The following AIMP1 variants were observed in gnomAD, a reference collection of about 807,000 sequenced individuals.
The protein encoded by AIMP1 is aminoacyl tRNA synthase complex-interacting multifunctional protein 1.
Under a neutral mutation model 33.1 loss-of-function variants are expected in AIMP1, and 24 were observed. That is an observed-to-expected ratio of 0.73 (90% CI 0.53 to 1.02). The LOEUF (loss-of-function observed/expected upper bound fraction) is 1.02, where lower values mean the gene tolerates loss of function less well. Ranked by LOEUF, AIMP1 falls within the 50% of genes least tolerant of loss-of-function variation. The pLI is 0.00. For synonymous variants in AIMP1, 120 were observed against 121.5 expected (o/e 0.99, Z 0.08); for missense variants, 367 against 364.8 (o/e 1.01, Z -0.05).
chr4:106,317,945 A>G (rs1769034043), intron 1 of AIMP1, among the ~76,000 whole-genome samples: 1 of 152,188 alleles, frequency 6.6e-6, no homozygotes, highest in South Asian at 2.1e-4. Context: ...AGGCCAAGGC[A>G]TACTCCTTTT....
In AIMP1 at chr4:106,327,564, G is replaced by A. The variant is rs569235371; in HGVS notation, c.223G>A (p.Val75Met). Residue 75 changes from valine to methionine, a missense_variant and splice_region_variant, in exon 3 of 7, where the codon GTG (valine) becomes ATG (methionine). Val to Met is a conservative substitution (Grantham distance 21, BLOSUM62 1). Coordinates refer to ENST00000672341, the MANE Select transcript of AIMP1 (RefSeq NM_001142416.2). ...AATTCAGGCAGAAATTCAAAATGGA[G>A]GTAATTAAATATAGAAAATTTGAGT... is the stretch of plus-strand genomic sequence containing the variant. ...ELIQAEIQNG[V>M]KQIPFPSGTP... is the part of the protein sequence containing the mutation. 6.2e-6 allele frequency: 10 copies of A among 1,604,092 alleles called. No individual in the cohort carries two copies. Among genetic ancestry groups the A allele is most frequent in the Admixed American group, 5.0e-5 (3 of 59,852 alleles).
At chr4:106,321,752 G>T (rs1769261279) in intron 1 of AIMP1, among the ~76,000 whole-genome samples, 1 of 152,236 alleles carries the variant, frequency 6.6e-6, no homozygotes, top group African/African-American at 2.4e-5. Flanking sequence ...TTGTCGAATA[G>T]AAAAGGGGGA....
At chr4:106,346,776 A>G (rs902328048) in intron 6 of AIMP1, among the ~76,000 whole-genome samples, 11 of 152,134 alleles carry the variant, frequency 7.2e-5, no homozygotes, top group African/African-American at 2.7e-4. Flanking sequence ...ATCGAAATAT[A>G]TTTTCATTTC....
rs1195875065 is a variant in AIMP1 at position 106,328,264 on chromosome 4, T to C, written c.391+21T>C. ...GAAAGGTATTTTTGACCTTTAAGCA[T>C]ATTTAGCTCTTGACTGGATTATCAG... is the stretch of plus-strand genomic sequence containing the variant. On this transcript the variant is annotated intron_variant, in intron 4 of 6. Coordinates refer to ENST00000672341, the MANE Select transcript of AIMP1 (RefSeq NM_001142416.2). The C allele has an allele frequency of 5.7e-6, 9 of 1,581,788 alleles. No individual in the cohort carries two copies. In the African/African-American group the frequency reaches 1.2e-4, roughly 21 times the overall value.
At chr4:106,320,961 T>C (rs1316960689) in intron 1 of AIMP1, among the ~76,000 whole-genome samples, 1 of 152,198 alleles carries the variant, frequency 6.6e-6, no homozygotes, top group East Asian at 1.9e-4. Flanking sequence ...TTGGCCGGGC[T>C]GGTCTCCAGC....
rs911689998 is a variant in AIMP1 at position 106,348,929 on chromosome 4, G to A, written c.*1237G>A. On this transcript the variant is annotated 3_prime_UTR_variant, in exon 7 of 7. Transcript: ENST00000672341. ...CACAAAACATTTTAGCATTATAGCT[G>A]TCTGAATCCTTCAATAAGAAGGAGA... 9 of 152,022 alleles carry A rather than the reference G, an allele frequency of 5.9e-5. No individual in the cohort carries two copies. The highest frequency in any genetic ancestry group is 8.8e-5 in the Non-Finnish European group (6 of 67,992). The allele number at this position is 152,022 out of a possible 1,614,324, so 9.4% of individuals were successfully genotyped here.
intron 1 of AIMP1, among the ~76,000 whole-genome samples, chr4:106,321,030 A>G (rs1200688645): frequency 6.6e-6 from 1 of 152,124 alleles, no homozygotes; most frequent in Non-Finnish European, 1.5e-5. Flanking sequence ...TTGCAGACGG[A>G]GTCTCGCTCA....
intron 1 of AIMP1, among the ~76,000 whole-genome samples, chr4:106,322,132 A>T (rs1579627923): frequency 6.6e-6 from 1 of 152,204 alleles, no homozygotes; most frequent in East Asian, 1.9e-4. Flanking sequence ...TCAAGTACCC[A>T]GGGACAAACA....
intron 5 of AIMP1, among the ~76,000 whole-genome samples, chr4:106,332,271 A>G (rs993288528): frequency 5.9e-5 from 9 of 152,046 alleles, no homozygotes; most frequent in Non-Finnish European, 1.0e-4. Context: ...ATTAAAAATT[A>G]CAAGTTCAAT....
At chr4:106,316,734 T>A in intron 1 of AIMP1, 140 bp downstream of exon 1, 1 of 716,322 alleles carries the variant, frequency 1.4e-6, no homozygotes, top group Non-Finnish European at 2.2e-6. Context: ...GGACCAGCCC[T>A]GGCCTAAGGA....
At chr4:106,336,736 A>G (rs1004860163) in intron 5 of AIMP1, 133 bp from the exon 6 acceptor site, 26 of 874,306 alleles carry the variant, frequency 3.0e-5, no homozygotes, top group Non-Finnish European at 4.7e-5. Flanking sequence ...GACTTTGGGC[A>G]CACAAAGACA....
intron 1 of AIMP1, among the ~76,000 whole-genome samples, chr4:106,324,581 A>G (rs929392219): frequency 6.6e-6 from 1 of 151,984 alleles, no homozygotes; most frequent in Admixed American, 6.6e-5. Flanking sequence ...TACACAGTAG[A>G]AGGATCCAGT....
chr4:106,337,142 T>G, intron 6 of AIMP1, 105 bp downstream of exon 6: 5 of 1,048,452 alleles, frequency 4.8e-6, no homozygotes, highest in Non-Finnish European at 7.4e-6. Flanking sequence ...ATCATGAGTC[T>G]TACATTAATG....
At position 106,349,073 on chromosome 4, in the gene AIMP1, A is replaced by G. The variant is rs556322116; in HGVS notation, c.*1381A>G. Reference sequence around the variant, plus strand: ...ATCCATGGAACTCTGGTAGGCCAGGATATATTATAGTACCATTATCAATGT... The same window carrying G: ...ATCCATGGAACTCTGGTAGGCCAGGGTATATTATAGTACCATTATCAATGT... On this transcript the variant is annotated 3_prime_UTR_variant, in exon 7 of 7. Coordinates refer to ENST00000672341, the MANE Select transcript of AIMP1 (RefSeq NM_001142416.2). The G allele has an allele frequency of 1.3e-5, 2 of 152,104 alleles. No homozygotes were observed. Among genetic ancestry groups the G allele is most frequent in the African/African-American group, 2.4e-5 (1 of 41,422 alleles). The allele number at this position is 152,104 out of a possible 1,614,324, so 9.4% of individuals were successfully genotyped here. A position where few individuals can be genotyped will look rare whatever the true frequency, so the allele number is the denominator to read the frequency against.
intron 4 of AIMP1, 96 bp from the exon 5 acceptor site, chr4:106,331,576 C>T (rs1158626731): frequency 2.9e-6 from 3 of 1,049,732 alleles, no homozygotes; most frequent in Non-Finnish European, 1.5e-6. Flanking sequence ...TTATTTTTTC[C>T]TTTTAAGCTC....
chr4:106,317,891 A>G lies in AIMP1; in HGVS notation c.-26+1297A>G, dbSNP rs538770981. 1.2e-4 allele frequency among the ~76,000 whole-genome samples: 18 copies of G among 152,344 alleles called. 1 individual carries two copies. The highest frequency in any genetic ancestry group is 5.9e-4 in the Admixed American group (9 of 15,306). On this transcript the variant is annotated intron_variant, in intron 1 of 6. Transcript: ENST00000672341. ...TAATGGGTCTAGTCTGCAAATCTTA[A>G]CCAGGTAAAAGATGGCCTTATTGTG...
chr4:106,317,035 A>C (rs955135354), intron 1 of AIMP1, among the ~76,000 whole-genome samples: 5 of 152,220 alleles, frequency 3.3e-5, no homozygotes, highest in African/African-American at 1.2e-4. Flanking sequence ...TGTAGCTCAC[A>C]TTTTAGAGAG....
At chr4:106,343,823 A>G (rs940793304) in intron 6 of AIMP1, among the ~76,000 whole-genome samples, 2 of 152,232 alleles carry the variant, frequency 1.3e-5, no homozygotes, top group African/African-American at 2.4e-5. Flanking sequence ...TTACAGTCAG[A>G]CTTTTAATTT....
At chr4:106,323,250 A>T (rs557060220) in intron 1 of AIMP1, among the ~76,000 whole-genome samples, 62 of 152,194 alleles carry the variant, frequency 4.1e-4, no homozygotes, top group African/African-American at 1.4e-3. Flanking sequence ...AGGATTTATT[A>T]TCTCTATTTT....
Sources: gnomAD v4.1 joint callset for allele counts (sites outside exome capture counted in the v4.1 genomes callset) on GRCh38, gnomAD v4.1.1 for gene constraint, MANE v1.5 for transcripts, NCBI Gene and HGNC (gene_info 2026-07-23, HGNC 2026-07-21) for gene names.